Variants in CASK observed in about 807,000 individuals in gnomAD.
The protein encoded by CASK is calcium/calmodulin dependent serine protein kinase, also known as peripheral plasma membrane protein CASK.
In CASK, 4 loss-of-function variants were observed where a neutral mutation model predicts 82.9. That is an observed-to-expected ratio of 0.05 (90% CI 0.02 to 0.11). The LOEUF is 0.11. CASK is among the 10% of genes least tolerant of loss of function. The pLI is 1.00. For synonymous variants in CASK, 259 were observed against 253.5 expected (o/e 1.02, Z -0.20); for missense variants, 358 against 720.9 (o/e 0.50, Z 5.76).
rs980359873 is a variant in CASK at position 41,720,151 on chromosome X, T to A, written c.429+19233A>T. ...TTCAGACTGTATTTTCTGCTGTTTTTAAAAGTAATTCTTGAGAGAAACGCT... is the reference window on the plus strand; with the variant it reads ...TTCAGACTGTATTTTCTGCTGTTTTAAAAAGTAATTCTTGAGAGAAACGCT... On this transcript the variant is annotated intron_variant, in intron 5 of 26. Coordinates refer to ENST00000378163, the MANE Select transcript of CASK (RefSeq NM_001367721.1). 2.6e-5 allele frequency among the ~76,000 whole-genome samples: 3 copies of A among 113,531 alleles called. No homozygotes were observed. The Admixed American group carries it at 2.8e-4, about 10-fold the overall frequency.
At chrX:41,726,882 A>C in intron 5 of CASK, 2 of 356,847 alleles carry the variant, frequency 5.6e-6, no homozygotes, top group Non-Finnish European at 9.6e-6. Context: ...CATCCAATAC[A>C]TTTTTGTTAC....
chrX:41,763,792 C>T (rs573581889), intron 3 of CASK, among the ~76,000 whole-genome samples: 4 of 112,263 alleles, frequency 3.6e-5, no homozygotes, highest in Non-Finnish European at 3.8e-5. Context: ...TCCTCTATGA[C>T]GGCTCTTTCT....
At chrX:41,568,723 G>T (rs773885957) in intron 16 of CASK, among the ~76,000 whole-genome samples, 1 of 112,026 alleles carries the variant, frequency 8.9e-6, no homozygotes, top group Non-Finnish European at 1.9e-5. Context: ...TCTTCGAGCT[G>T]GGCAAGGTAG....
chrX:41,582,985 A>T (rs1336340333), intron 14 of CASK, among the ~76,000 whole-genome samples: 1 of 111,614 alleles, frequency 9.0e-6, no homozygotes, highest in African/African-American at 3.3e-5. Flanking sequence ...CCTCCACTAG[A>T]GTGGAAGTTC....
intron 11 of CASK, among the ~76,000 whole-genome samples, chrX:41,611,682 TCTCTCC>T (rs1165430322): frequency 2.0e-5 from 1 of 51,266 alleles, no homozygotes; most frequent in South Asian, 2.3e-3. Flanking sequence ...TCTCCCTCTC[TCTCTCC>T]CTCTCCCTCT....
chrX:41,855,316 ACTGAAGAC>A (rs1282071260), intron 1 of CASK, among the ~76,000 whole-genome samples: 1 of 111,947 alleles, frequency 8.9e-6, no homozygotes, highest in Non-Finnish European at 1.9e-5. Flanking sequence ...TCTATGAACT[ACTGAAGAC>A]CTGAAGACAG....
intron 16 of CASK, among the ~76,000 whole-genome samples, chrX:41,563,798 A>G (rs1472173630): frequency 8.9e-6 from 1 of 112,078 alleles, no homozygotes; most frequent in Non-Finnish European, 1.9e-5. Flanking sequence ...CAAAAACAAA[A>G]CTTTCTTAAA....
intron 1 of CASK, 49 bp downstream of exon 1, chrX:41,922,881 C>A (rs755595489): frequency 8.7e-7 from 1 of 1,143,482 alleles, no homozygotes; most frequent in African/African-American, 1.8e-5. Flanking sequence ...ACCGGGGCAT[C>A]ACTGAAATGC....
At chrX:41,689,700 T>C (rs2067507452) in intron 5 of CASK, 1 of 112,169 alleles carries the variant, frequency 8.9e-6, no homozygotes, top group African/African-American at 3.2e-5. Flanking sequence ...TTAATAGTAT[T>C]ATTTCCAAAG....
intron 2 of CASK, among the ~76,000 whole-genome samples, chrX:41,816,936 T>A (rs1288721407): frequency 9.0e-6 from 1 of 111,670 alleles, no homozygotes; most frequent in Non-Finnish European, 1.9e-5. Flanking sequence ...TACACAAACC[T>A]TTCCCCCAAA....
intron 3 of CASK, among the ~76,000 whole-genome samples, chrX:41,754,012 GAAT>G (rs771224438): frequency 3.6e-5 from 4 of 112,055 alleles, no homozygotes; most frequent in African/African-American, 1.3e-4. Flanking sequence ...ATTTTAAACT[GAAT>G]AATAATAACA....
chrX:41,528,451 C>A (rs1056614004), intron 25 of CASK, among the ~76,000 whole-genome samples: 2 of 112,071 alleles, frequency 1.8e-5, no homozygotes, highest in African/African-American at 6.5e-5. Flanking sequence ...TAGACCTGTA[C>A]TAAAAGAGCT....
chrX:41,598,774 G>A (rs1425631447), intron 12 of CASK, among the ~76,000 whole-genome samples: 1 of 111,348 alleles, frequency 9.0e-6, no homozygotes, highest in African/African-American at 3.3e-5. Context: ...TTTCTTTTTT[G>A]ACGTGCAAAG....
intron 7 of CASK, among the ~76,000 whole-genome samples, chrX:41,664,819 C>T (rs1324208323): frequency 1.8e-5 from 2 of 112,790 alleles, no homozygotes; most frequent in Non-Finnish European, 3.7e-5. Flanking sequence ...TTAAGCCACA[C>T]TGAAATGCCT....
intron 2 of CASK, 151 bp from the exon 3 acceptor site, chrX:41,787,434 C>T: frequency 2.2e-6 from 1 of 463,649 alleles, no homozygotes; most frequent in Non-Finnish European, 3.8e-6. Context: ...TAACTTTTTA[C>T]CCTTTAAAAT....
At chrX:41,774,182 C>T (rs1200561873) in intron 3 of CASK, among the ~76,000 whole-genome samples, 1 of 110,553 alleles carries the variant, frequency 9.0e-6, no homozygotes, top group Non-Finnish European at 1.9e-5. Flanking sequence ...GATTGTATAT[C>T]TAGAAAACCC....
intron 8 of CASK, among the ~76,000 whole-genome samples, chrX:41,638,176 C>T (rs1476995243): frequency 2.7e-5 from 3 of 111,140 alleles, no homozygotes; most frequent in African/African-American, 9.8e-5. Context: ...GATGAGAAAA[C>T]ACAAAAAAGG....
chrX:41,855,215 A>G (rs971718766), intron 1 of CASK, among the ~76,000 whole-genome samples: 1 of 111,861 alleles, frequency 8.9e-6, no homozygotes, highest in African/African-American at 3.2e-5. Flanking sequence ...CTTAGACAAC[A>G]AAACACAAAC....
chrX:41,806,165 G>A (rs1475458363), intron 2 of CASK, among the ~76,000 whole-genome samples: 2 of 111,640 alleles, frequency 1.8e-5, no homozygotes, highest in African/African-American at 6.5e-5. Context: ...TTAAAAGGAT[G>A]GTATAATTAC....
Sources: allele counts gnomAD v4.1 joint callset (sites outside exome capture counted in the v4.1 genomes callset), GRCh38; gene constraint gnomAD v4.1.1; transcripts MANE v1.5; gene names NCBI Gene and HGNC (gene_info 2026-07-23, HGNC 2026-07-21).